NFASC: variants seen among roughly 807,000 people sequenced by gnomAD.
The protein encoded by NFASC is neurofascin homolog.
NFASC carries 43 observed loss-of-function variants against 147.5 expected under a neutral mutation model. The observed-to-expected ratio is 0.29, with a 90% CI of 0.23 to 0.38. NFASC has a LOEUF of 0.38. Among genes scored for constraint, NFASC ranks in the 10% least tolerant of loss-of-function variants. NFASC has a pLI of 1.00. For synonymous variants in NFASC, 622 were observed against 665.5 expected, an observed-to-expected ratio of 0.93 and a Z score of 1.01; for missense variants, 1,320 against 1,689.0, an observed-to-expected ratio of 0.78 and a Z score of 3.83.
In NFASC at chr1:204,954,087, G is replaced by A. The variant is rs2094298322; in HGVS notation, c.216-101G>A. On this transcript the variant is annotated intron_variant, in intron 5 of 29. Transcript: ENST00000339876. This position sits in a 1 kb window ranked among gnomAD's most constrained non-coding sequence, Gnocchi z 5.7. ...GGGTGCCACGATGGGACTGAGAGAG[G>A]GAATTTTGGTACTGAGCCAGGGACT... The A allele has an allele frequency of 1.9e-6, 2 of 1,043,896 alleles. No individual in the cohort carries two copies. Among genetic ancestry groups the A allele is most frequent in the African/African-American group, 1.6e-5 (1 of 63,498 alleles). 64.7% of individuals were successfully genotyped at this position (1,043,896 alleles called of 1,614,324 possible).
chr1:205,012,994 A>G, intron 29 of NFASC, 128 bp downstream of exon 29: 1 of 692,410 alleles, frequency 1.4e-6, no homozygotes, highest in East Asian at 2.5e-5. Context: ...TTGGGCTGTG[A>G]CTCTGCCTCT....
At chr1:204,961,569 T>G (rs1642615430) in intron 8 of NFASC, among the ~76,000 whole-genome samples, 1 of 152,256 alleles carries the variant, frequency 6.6e-6, no homozygotes, top group Non-Finnish European at 1.5e-5. Context: ...CCAGGGCCCC[T>G]TGGCCCAACT....
At chr1:204,918,583 AC>A (rs1405261406) in intron 1 of NFASC, among the ~76,000 whole-genome samples, 110 of 129,288 alleles carry the variant, frequency 8.5e-4, no homozygotes, top group African/African-American at 3.2e-3. Context: ...ATTCTTTGAA[AC>A]TTTTTTTTTT....
At chr1:204,939,087 T>TGTGTGTGTGTGTGTGTG (rs1558171277) in intron 2 of NFASC, among the ~76,000 whole-genome samples, 1 of 144,184 alleles carries the variant, frequency 6.9e-6, no homozygotes, top group Non-Finnish European at 1.5e-5. Context: ...TGTGTGTGTG[T>TGTGTGTGTGTGTGTGTG]AGGGGGATTG....
chr1:204,968,615 C>T lies in NFASC; in HGVS notation c.819-183C>T, dbSNP rs2095082572. 1 of 635,160 alleles carries T rather than the reference C, an allele frequency of 1.6e-6. No individual in the cohort carries two copies. Among genetic ancestry groups the T allele is most frequent in the Non-Finnish European group, 2.7e-6 (1 of 368,430 alleles). The allele number at this position is 635,160 out of a possible 1,614,324, so 39.3% of individuals were successfully genotyped here. Reference sequence around the variant, plus strand: ...GCGTTAGAATCTCGTGGGACCTTAGCTAAGCCTTCAGGCTCTCTGTGGCTG... The same window carrying T: ...GCGTTAGAATCTCGTGGGACCTTAGTTAAGCCTTCAGGCTCTCTGTGGCTG... On this transcript the variant is annotated intron_variant, in intron 9 of 29. Transcript: ENST00000339876. This position sits in a 1 kb window ranked among gnomAD's most constrained non-coding sequence, Gnocchi z 5.4.
At chr1:204,967,127 T>G (rs1413212418) in intron 8 of NFASC, among the ~76,000 whole-genome samples, 3 of 152,180 alleles carry the variant, frequency 2.0e-5, no homozygotes, top group Non-Finnish European at 4.4e-5. Flanking sequence ...CCCCTCCACC[T>G]TTCCCTTGTC....
At chr1:204,852,102 G>T (rs1344067113) in intron 1 of NFASC, among the ~76,000 whole-genome samples, 1 of 152,228 alleles carries the variant, frequency 6.6e-6, no homozygotes, top group Admixed American at 6.5e-5. Flanking sequence ...GCAGCTTTCT[G>T]TCTAGTTTAT....
At chr1:204,964,621 A>G (rs1377557756) in intron 8 of NFASC, among the ~76,000 whole-genome samples, 1 of 152,214 alleles carries the variant, frequency 6.6e-6, no homozygotes, top group African/African-American at 2.4e-5. Flanking sequence ...CTAGACAAAG[A>G]GTTTTTCCTA....
chr1:205,006,013 T>C (rs1444868529), intron 27 of NFASC, among the ~76,000 whole-genome samples: 2 of 152,190 alleles, frequency 1.3e-5, no homozygotes, highest in Non-Finnish European at 2.9e-5. Context: ...AAGATGGTGG[T>C]GCAACTAGGC....
At chr1:204,852,426 G>A (rs763666533) in intron 1 of NFASC, among the ~76,000 whole-genome samples, 4 of 152,236 alleles carry the variant, frequency 2.6e-5, no homozygotes, top group Admixed American at 6.5e-5. Context: ...CTGGAACCTG[G>A]GAGACAGAGG....
rs555809864 is a variant in NFASC at position 204,863,914 on chromosome 1, G to T, written c.-200+35132G>T. ...AGGAAGGAAGGATGGAAAGAAGAAA[G>T]GGAAAGGAAAGGAGGAAGAAAGAGA... On this transcript the variant is annotated intron_variant, in intron 1 of 29. Transcript: ENST00000339876. Among the ~76,000 whole-genome samples, 85 of 147,398 alleles carry T rather than the reference G, an allele frequency of 5.8e-4. 1 individual carries two copies. The highest frequency in any genetic ancestry group is 2.1e-3 in the African/African-American group (83 of 40,232).
Position 204,975,135 on chromosome 1 carries a change from A to G in NFASC, c.1559-136A>G. 1 of 951,722 alleles carries G rather than the reference A, an allele frequency of 1.1e-6. No individual in the cohort carries two copies. Among genetic ancestry groups the G allele is most frequent in the Admixed American group, 2.7e-5 (1 of 36,846 alleles). 59.0% of individuals were successfully genotyped at this position (951,722 alleles called of 1,614,324 possible). A position where few individuals can be genotyped will look rare whatever the true frequency, so the allele number is the denominator to read the frequency against. Reference sequence around the variant, plus strand: ...ACCCACCCAGAACTCTGCTCCGTTCATACCATAGCATACTGTTTGTGCCCC... The same window carrying G: ...ACCCACCCAGAACTCTGCTCCGTTCGTACCATAGCATACTGTTTGTGCCCC... On this transcript the variant is annotated intron_variant, in intron 14 of 29. Coordinates refer to ENST00000339876, the MANE Select transcript of NFASC (RefSeq NM_001005388.3). The surrounding 1 kb of genome is among the most constrained non-coding windows in gnomAD (Gnocchi z 4.0).
chr1:205,018,099 A>T lies in NFASC; in HGVS notation c.*1560A>T, dbSNP rs887219402. 2.0e-5 allele frequency: 3 copies of T among 152,690 alleles called. No individual in the cohort carries two copies. Among genetic ancestry groups the T allele is most frequent in the African/African-American group, 7.2e-5 (3 of 41,416 alleles). The allele number at this position is 152,690 out of a possible 1,614,324, so 9.5% of individuals were successfully genotyped here. On this transcript the variant is annotated 3_prime_UTR_variant, in exon 30 of 30. Transcript: ENST00000339876. ...CGAAGGTGCTGCCTTCATCCTCCCC[A>T]CCTAATGCATTTTTGAAACCAAAGG...
At chr1:204,876,610 C>G (rs2078840408) in intron 1 of NFASC, among the ~76,000 whole-genome samples, 1 of 152,162 alleles carries the variant, frequency 6.6e-6, no homozygotes, top group Non-Finnish European at 1.5e-5. Context: ...CCTCATTCTC[C>G]CCTCCTTCCA....
In NFASC at chr1:205,001,234, C is replaced by G. The variant is rs757577817; in HGVS notation, c.3084C>G (p.Thr1028=). 2 of 1,612,816 alleles carry G rather than the reference C, an allele frequency of 1.2e-6. No individual in the cohort carries two copies. Among genetic ancestry groups the G allele is most frequent in the Non-Finnish European group, 1.7e-6 (2 of 1,179,458 alleles). The part of the protein sequence containing the change: ...VLPNSKWANI[T]WKHNFGPGTD... Reference sequence around the variant, plus strand: ...CCAACAGTAAATGGGCCAACATCACCTGGAAGCACAATTTCGGGCCCGGAA... The same window carrying G: ...CCAACAGTAAATGGGCCAACATCACGTGGAAGCACAATTTCGGGCCCGGAA... The change falls in exon 26 of 30, where the codon ACC becomes ACG. Residue 1028 remains threonine (T), a synonymous_variant. Transcript: ENST00000339876.
At chr1:204,863,379 T>A (rs972755074) in intron 1 of NFASC, among the ~76,000 whole-genome samples, 5 of 152,250 alleles carry the variant, frequency 3.3e-5, no homozygotes, top group African/African-American at 1.2e-4. Context: ...CAGTGAAGGA[T>A]GTTGCAGTGA....
chr1:204,903,345 A>G (rs780078513), intron 1 of NFASC, among the ~76,000 whole-genome samples: 9 of 152,168 alleles, frequency 5.9e-5, no homozygotes, highest in Non-Finnish European at 1.2e-4. Context: ...AGTGACAGTC[A>G]TGCCTCTTTT....
intron 15 of NFASC, 84 bp from the exon 16 acceptor site, chr1:204,976,587 G>C: frequency 8.7e-6 from 9 of 1,034,178 alleles, no homozygotes. Flanking sequence ...CCTGACTCGA[G>C]AACCCCCTCT....
chr1:204,851,319 T>G (rs1455586594), intron 1 of NFASC, among the ~76,000 whole-genome samples: 1 of 150,148 alleles, frequency 6.7e-6, no homozygotes, highest in Non-Finnish European at 1.5e-5. Context: ...TAACAAATCA[T>G]GCTTTTCTTT....
Sources: gnomAD v4.1 joint callset for allele counts (sites outside exome capture counted in the v4.1 genomes callset) on GRCh38, gnomAD v4.1.1 for gene constraint, Gnocchi (gnomAD v3.1) non-coding constraint, MANE v1.5 for transcripts, NCBI Gene and HGNC (gene_info 2026-07-23, HGNC 2026-07-21) for gene names.